KATNAL1: variants seen among roughly 807,000 people sequenced by gnomAD.
KATNAL1 encodes the protein katanin catalytic subunit A1 like 1, also known as katanin p60 ATPase-containing subunit A-like 1.
KATNAL1 carries 32 observed loss-of-function variants against 55.2 expected under a neutral mutation model. The ratio of observed to expected loss-of-function variants is 0.58; its 90% CI spans 0.44 to 0.78. KATNAL1 has a LOEUF of 0.78. KATNAL1 is among the 30% of genes least tolerant of loss of function. KATNAL1 has a pLI of 0.00. For synonymous variants in KATNAL1, 193 were observed against 193.6 expected, an observed-to-expected ratio of 1.00 and a Z score of 0.02; for missense variants, 466 against 600.9, an observed-to-expected ratio of 0.78 and a Z score of 2.35.
rs1395906016 is a variant in KATNAL1 at position 30,206,446 on chromosome 13, CAT to C, written c.*2092_*2093del. On this transcript the variant is annotated 3_prime_UTR_variant, in exon 11 of 11. Transcript: ENST00000380615. The stretch of plus-strand genomic sequence containing the variant: ...TAAAAAGCACACCTGACTCACTTAA[CAT>C]AGTAAAGTTAGGCTCCCAGGAAGTT... 1 of 152,040 alleles carries C rather than the reference CAT, an allele frequency of 6.6e-6. No homozygotes were observed. Among genetic ancestry groups the C allele is most frequent in the African/African-American group, 2.4e-5 (1 of 41,406 alleles). 9.4% of individuals were successfully genotyped at this position (152,040 alleles called of 1,614,324 possible).
rs898471691 is a variant in KATNAL1, at chr13:30,204,373, C to T, written c.*4167G>A. 10 of 152,140 alleles carry T rather than the reference C, an allele frequency of 6.6e-5. No individual in the cohort carries two copies. Among genetic ancestry groups the T allele is most frequent in the African/African-American group, 2.4e-4 (10 of 41,424 alleles). The allele number at this position is 152,140 out of a possible 1,614,324, so 9.4% of individuals were successfully genotyped here. A position where few individuals can be genotyped will look rare whatever the true frequency, so the allele number is the denominator to read the frequency against. On this transcript the variant is annotated 3_prime_UTR_variant, in exon 11 of 11. Coordinates refer to ENST00000380615, the MANE Select transcript of KATNAL1 (RefSeq NM_032116.5). The stretch of plus-strand genomic sequence containing the variant: ...AATAACCTAGACAATACTGAAGGAA[C>T]CGAAGTCCACTCACACAACATGAAA...
intron 3 of KATNAL1, among the ~76,000 whole-genome samples, chr13:30,278,762 T>C (rs186819779): frequency 6.6e-6 from 1 of 152,358 alleles, no homozygotes; most frequent in African/African-American, 2.4e-5. Flanking sequence ...TTTCAAGTTA[T>C]AGTAGGCTAA....
chr13:30,302,868 T>C (rs1882949081), intron 1 of KATNAL1, among the ~76,000 whole-genome samples: 1 of 152,198 alleles, frequency 6.6e-6, no homozygotes, highest in Non-Finnish European at 1.5e-5. Context: ...GGCACATGTG[T>C]TTGATAAATG....
chr13:30,260,956 G>A (rs1222491953), intron 3 of KATNAL1, among the ~76,000 whole-genome samples: 2 of 151,580 alleles, frequency 1.3e-5, no homozygotes, highest in Non-Finnish European at 2.9e-5. Context: ...AAAATGTTAA[G>A]GGCAGCCAGA....
At chr13:30,227,572 T>TA (rs751032172) in intron 8 of KATNAL1, 26 bp from the exon 9 acceptor site, 12 of 1,592,052 alleles carry the variant, frequency 7.5e-6, no homozygotes, top group Non-Finnish European at 2.6e-6. Context: ...GAGGAAAAGA[T>TA]AGTGTTTTTC....
chr13:30,249,551 C>T (rs1250861166), intron 4 of KATNAL1, among the ~76,000 whole-genome samples: 1 of 152,078 alleles, frequency 6.6e-6, no homozygotes, highest in Non-Finnish European at 1.5e-5. Context: ...TACTATATGA[C>T]AATGAAAATA....
At position 30,246,451 on chromosome 13, in the gene KATNAL1, C is replaced by T. The variant is rs145872824; in HGVS notation, c.493-5365G>A. On this transcript the variant is annotated intron_variant, in intron 4 of 10. Transcript: ENST00000380615. ...AAACCATAAAAACCCTAGAAGAAAA[C>T]CTAGGCAATACCATTCAGGACATAG... is the stretch of plus-strand genomic sequence containing the variant. Among the ~76,000 whole-genome samples the T allele has an allele frequency of 1.1e-3, 174 of 152,256 alleles. 1 individual carries two copies. Among genetic ancestry groups the T allele is most frequent in the African/African-American group, 4.0e-3 (168 of 41,544 alleles).
intron 9 of KATNAL1, among the ~76,000 whole-genome samples, chr13:30,215,167 G>A (rs1207188252): frequency 6.6e-6 from 1 of 151,486 alleles, no homozygotes; most frequent in African/African-American, 2.4e-5. Flanking sequence ...AAAAACACAT[G>A]AAAAAAATGC....
intron 9 of KATNAL1, among the ~76,000 whole-genome samples, chr13:30,221,491 A>G (rs1448842566): frequency 2.6e-5 from 4 of 152,262 alleles, no homozygotes; most frequent in Admixed American, 1.3e-4. Context: ...TATGGCCCAC[A>G]CTGAAGAGAA....
At chr13:30,245,465 C>T (rs1363194891) in intron 4 of KATNAL1, among the ~76,000 whole-genome samples, 1 of 152,138 alleles carries the variant, frequency 6.6e-6, no homozygotes, top group Non-Finnish European at 1.5e-5. Flanking sequence ...TGGGCAAAAG[C>T]TGGAAGCATT....
At chr13:30,276,767 A>C (rs1456577018) in intron 3 of KATNAL1, among the ~76,000 whole-genome samples, 1 of 152,204 alleles carries the variant, frequency 6.6e-6, no homozygotes, top group Non-Finnish European at 1.5e-5. Flanking sequence ...CTGAGTATAT[A>C]TGCAAAAGTA....
At chr13:30,248,396 T>C (rs1242440628) in intron 4 of KATNAL1, among the ~76,000 whole-genome samples, 3 of 151,482 alleles carry the variant, frequency 2.0e-5, no homozygotes, top group African/African-American at 7.3e-5. Flanking sequence ...TACAACAAGG[T>C]AAAAAAAATA....
At position 30,206,279 on chromosome 13, in the gene KATNAL1, T is replaced by C. The variant is rs1430932468; in HGVS notation, c.*2261A>G. On this transcript the variant is annotated 3_prime_UTR_variant, in exon 11 of 11. Transcript: ENST00000380615. ...CTGGGCGACAGAGCAAGACTCAGTC[T>C]CAAAATAAATAAATAAATAAAATAA... 2 of 150,302 alleles carry C rather than the reference T, an allele frequency of 1.3e-5. No homozygotes were observed. The highest frequency in any genetic ancestry group is 4.8e-5 in the African/African-American group (2 of 41,244). 9.3% of individuals were successfully genotyped at this position (150,302 alleles called of 1,614,324 possible).
intron 6 of KATNAL1, among the ~76,000 whole-genome samples, chr13:30,233,704 C>A (rs1431456740): frequency 2.0e-5 from 3 of 151,682 alleles, no homozygotes; most frequent in Non-Finnish European, 2.9e-5. Flanking sequence ...AAGTGCCCAA[C>A]AATGGATGAA....
intron 1 of KATNAL1, among the ~76,000 whole-genome samples, chr13:30,299,491 T>C (rs1182083608): frequency 1.3e-5 from 2 of 152,156 alleles, no homozygotes; most frequent in Non-Finnish European, 2.9e-5. Flanking sequence ...ATCAACTGAT[T>C]CAATTTTCAT....
intron 3 of KATNAL1, among the ~76,000 whole-genome samples, chr13:30,277,547 G>A (rs1880932022): frequency 6.6e-6 from 1 of 152,082 alleles, no homozygotes; most frequent in Non-Finnish European, 1.5e-5. Context: ...TGTTTTATGT[G>A]ACCTGGAGAA....
chr13:30,239,346 G>A (rs1158617603), intron 6 of KATNAL1, among the ~76,000 whole-genome samples: 1 of 152,086 alleles, frequency 6.6e-6, no homozygotes, highest in Non-Finnish European at 1.5e-5. Flanking sequence ...GGAGGCAGAG[G>A]TTGCAGTGAG....
At position 30,251,453 on chromosome 13, in the gene KATNAL1, C is replaced by T. The variant is rs569975116; in HGVS notation, c.492+3994G>A. On this transcript the variant is annotated intron_variant, in intron 4 of 10. Coordinates refer to ENST00000380615, the MANE Select transcript of KATNAL1 (RefSeq NM_032116.5). ...GTGGTTAGGTCAATGAGGCTTCTGC[C>T]CTCATGAACAGAATTAGTGCCCTAA... is the stretch of plus-strand genomic sequence containing the variant. Among the ~76,000 whole-genome samples the T allele has an allele frequency of 9.9e-5, 15 of 152,176 alleles. 1 individual carries two copies. Among genetic ancestry groups the T allele is most frequent in the Non-Finnish European group, 1.9e-4 (13 of 68,008 alleles).
chr13:30,232,106 A>G (rs934478997), intron 6 of KATNAL1, among the ~76,000 whole-genome samples: 2 of 152,216 alleles, frequency 1.3e-5, no homozygotes, highest in African/African-American at 4.8e-5. Flanking sequence ...GTTACTTCTT[A>G]GTTTTGAAAA....
Sources: gnomAD v4.1 joint callset for allele counts (sites outside exome capture counted in the v4.1 genomes callset) on GRCh38, gnomAD v4.1.1 for gene constraint, MANE v1.5 for transcripts, NCBI Gene and HGNC (gene_info 2026-07-23, HGNC 2026-07-21) for gene names.